ARHGAP15: variants seen among roughly 807,000 people sequenced by gnomAD.
The protein encoded by ARHGAP15 is rho GTPase-activating protein 15.
Under a neutral mutation model 63.7 loss-of-function variants are expected in ARHGAP15, and 51 were observed. That is an observed-to-expected ratio of 0.80 (90% CI 0.64 to 1.01). ARHGAP15 has a LOEUF of 1.01. Among genes scored for constraint, ARHGAP15 ranks in the 50% least tolerant of loss-of-function variants. The pLI is 0.00. For missense variants in ARHGAP15, 560 were observed against 564.6 expected (o/e 0.99, Z 0.08); for synonymous variants, 191 against 193.8 (o/e 0.99, Z 0.12).
chr2:143,144,102 T>G (rs1340140800), intron 1 of ARHGAP15, among the ~76,000 whole-genome samples: 2 of 152,096 alleles, frequency 1.3e-5, no homozygotes, highest in Admixed American at 1.3e-4. Context: ...GATCTCATTC[T>G]TGTTATGACT....
At chr2:143,139,773 CT>C (rs1689289442) in intron 1 of ARHGAP15, among the ~76,000 whole-genome samples, 1 of 152,154 alleles carries the variant, frequency 6.6e-6, no homozygotes, top group South Asian at 2.1e-4. Flanking sequence ...TAGTACGGAA[CT>C]TTTTTCTTTC....
intron 13 of ARHGAP15, among the ~76,000 whole-genome samples, chr2:143,729,630 AAT>A (rs1412520561): frequency 8.5e-5 from 13 of 152,320 alleles, no homozygotes; most frequent in Admixed American, 2.6e-4. Context: ...GTGCTCAATA[AAT>A]ATGAGATCTG....
intron 6 of ARHGAP15, among the ~76,000 whole-genome samples, chr2:143,255,274 C>T (rs181999702): frequency 2.2e-4 from 34 of 152,034 alleles, no homozygotes; most frequent in African/African-American, 5.5e-4. Context: ...ATCCTCCCCC[C>T]GCCACCACCA....
intron 6 of ARHGAP15, among the ~76,000 whole-genome samples, chr2:143,365,609 C>A (rs186244906): frequency 2.2e-4 from 33 of 152,346 alleles, no homozygotes; most frequent in African/African-American, 7.5e-4. Flanking sequence ...ATACACCACA[C>A]AAATCACCAG....
intron 13 of ARHGAP15, among the ~76,000 whole-genome samples, chr2:143,745,650 C>T (rs192412411): frequency 6.6e-6 from 1 of 152,060 alleles, no homozygotes; most frequent in Non-Finnish European, 1.5e-5. Context: ...TTACTACAAA[C>T]TTTTTACATT....
chr2:143,587,797 A>G (rs1325497695), intron 11 of ARHGAP15: 1 of 467,240 alleles, frequency 2.1e-6, no homozygotes. Context: ...CAAGCCAATA[A>G]TTTGTCACTT....
At chr2:143,622,026 G>A (rs1698664237) in intron 11 of ARHGAP15, among the ~76,000 whole-genome samples, 1 of 152,096 alleles carries the variant, frequency 6.6e-6, no homozygotes, top group African/African-American at 2.4e-5. Context: ...GTGTTTGTGT[G>A]TGTGTGTGTT....
intron 12 of ARHGAP15, among the ~76,000 whole-genome samples, chr2:143,690,474 G>C (rs139919232): frequency 2.1e-4 from 32 of 152,186 alleles, no homozygotes; most frequent in Non-Finnish European, 3.8e-4. Context: ...TTGCTGTTGC[G>C]TCTTTACCTG....
intron 6 of ARHGAP15, among the ~76,000 whole-genome samples, chr2:143,319,489 T>C (rs1347496324): frequency 6.6e-6 from 1 of 152,198 alleles, no homozygotes; most frequent in African/African-American, 2.4e-5. Flanking sequence ...GCCAAAGTGC[T>C]GGGATTACAG....
intron 6 of ARHGAP15, among the ~76,000 whole-genome samples, chr2:143,403,369 C>A: frequency 6.6e-6 from 1 of 151,930 alleles, no homozygotes; most frequent in South Asian, 2.1e-4. Context: ...AGTTCACATG[C>A]CTCACTTTCA....
intron 6 of ARHGAP15, among the ~76,000 whole-genome samples, chr2:143,324,828 G>A (rs1317770053): frequency 6.6e-6 from 1 of 152,114 alleles, no homozygotes; most frequent in African/African-American, 2.4e-5. Flanking sequence ...CAGATCTCTT[G>A]ACATTTTGAT....
intron 8 of ARHGAP15, among the ~76,000 whole-genome samples, chr2:143,484,951 A>T (rs1692257884): frequency 6.6e-6 from 1 of 152,186 alleles, no homozygotes; most frequent in Admixed American, 6.5e-5. Context: ...AACTGCTCAT[A>T]GCCAAAGAAT....
intron 6 of ARHGAP15, among the ~76,000 whole-genome samples, chr2:143,323,272 GAACA>G (rs1241300580): frequency 3.9e-5 from 6 of 152,196 alleles, no homozygotes; most frequent in Non-Finnish European, 8.8e-5. Context: ...CACAAATAGT[GAACA>G]TGCTTTTTGT....
intron 8 of ARHGAP15, among the ~76,000 whole-genome samples, chr2:143,456,842 A>AGG (rs35681903): frequency 0.019 from 1 of 54 alleles, no homozygotes; most frequent in Non-Finnish European, 0.056. Flanking sequence ...TTTGAAAGAC[A>AGG]GATTTGTGCA....
intron 8 of ARHGAP15, among the ~76,000 whole-genome samples, chr2:143,460,208 T>C (rs1402845783): frequency 6.6e-6 from 1 of 152,174 alleles, no homozygotes; most frequent in East Asian, 1.9e-4. Flanking sequence ...TGATGGATGA[T>C]GAGCAAGATT....
chr2:143,577,058 G>C (rs1344423518), intron 11 of ARHGAP15, among the ~76,000 whole-genome samples: 2 of 152,114 alleles, frequency 1.3e-5, no homozygotes, highest in African/African-American at 4.8e-5. Context: ...ATCTACAATG[G>C]AATGTATAAG....
chr2:143,669,722 CATTCAGATCCTAGAAAATATATTTTAT>C (rs1257081714), intron 12 of ARHGAP15, among the ~76,000 whole-genome samples: 1 of 152,166 alleles, frequency 6.6e-6, no homozygotes, highest in Non-Finnish European at 1.5e-5. Context: ...GAAACACAAA[CATTCAGATCCTAGAAAATATATTTTAT>C]AATCCAGCAA....
intron 8 of ARHGAP15, among the ~76,000 whole-genome samples, chr2:143,462,805 A>G (rs199778864): frequency 3.5e-4 from 53 of 151,778 alleles, no homozygotes; most frequent in East Asian, 8.0e-4. Flanking sequence ...ATGGATGGAC[A>G]GACGGACAGA....
chr2:143,621,511 C>T (rs1698646281), intron 11 of ARHGAP15, among the ~76,000 whole-genome samples: 1 of 152,050 alleles, frequency 6.6e-6, no homozygotes, highest in Non-Finnish European at 1.5e-5. Flanking sequence ...GGGATCTTAA[C>T]CTTGGTTGAT....
Sources: allele counts gnomAD v4.1 joint callset (sites outside exome capture counted in the v4.1 genomes callset), GRCh38; gene constraint gnomAD v4.1.1; transcripts MANE v1.5; gene names NCBI Gene and HGNC (gene_info 2026-07-23, HGNC 2026-07-21).